DNAH14: variants seen among roughly 807,000 people sequenced by gnomAD.
DNAH14 encodes axonemal beta dynein heavy chain 14.
In DNAH14, 478 loss-of-function variants were observed where a neutral mutation model predicts 520.9. The ratio of observed to expected loss-of-function variants is 0.92; its 90% CI spans 0.85 to 0.99. DNAH14 has a LOEUF of 0.99. Among genes scored for constraint, DNAH14 ranks in the 50% least tolerant of loss-of-function variants. The pLI, the probability that DNAH14 is intolerant of heterozygous loss-of-function variation, is 0.00. For missense variants in DNAH14, 4,831 were observed against 5,234.5 expected, an observed-to-expected ratio of 0.92 and a Z score of 2.38; for synonymous variants, 1,581 against 1,757.2, an observed-to-expected ratio of 0.90 and a Z score of 2.51.
chr1:224,947,806 T>C (rs1329560072), intron 1 of DNAH14, among the ~76,000 whole-genome samples: 1 of 152,026 alleles, frequency 6.6e-6, no homozygotes, highest in Admixed American at 6.6e-5. Context: ...AAATATGAGT[T>C]ATTTAGACAG....
intron 31 of DNAH14, among the ~76,000 whole-genome samples, chr1:225,150,942 C>T (rs1447054320): frequency 6.6e-6 from 1 of 151,960 alleles, no homozygotes; most frequent in African/African-American, 2.4e-5. Context: ...AAATCTTGAC[C>T]TCAGTGTGAT....
chr1:224,939,376 C>T (rs990497320), intron 1 of DNAH14, among the ~76,000 whole-genome samples: 12 of 152,158 alleles, frequency 7.9e-5, no homozygotes, highest in African/African-American at 1.4e-4. Context: ...CCTTTTAAAA[C>T]GAATCAAAAA....
intron 37 of DNAH14, among the ~76,000 whole-genome samples, chr1:225,190,866 G>A (rs2085336823): frequency 6.6e-6 from 1 of 151,924 alleles, no homozygotes; most frequent in Non-Finnish European, 1.5e-5. Flanking sequence ...TACCCAGACT[G>A]TGGTATTTTG....
At chr1:225,215,329 A>G (rs1029921005) in intron 41 of DNAH14, among the ~76,000 whole-genome samples, 3 of 152,140 alleles carry the variant, frequency 2.0e-5, no homozygotes, top group African/African-American at 2.4e-5. Flanking sequence ...ACTTCCAACT[A>G]TGTGGTAAAT....
rs879444791 is a variant in DNAH14 at position 224,929,704 on chromosome 1, A to T, written c.-165A>T. ...GGCGGTTACGGCCAGGAGGCGTCGG[A>T]GCCTGGCGTGGTAGGGCTGTGCTGC... On this transcript the variant is annotated 5_prime_UTR_variant, in exon 1 of 86. Coordinates refer to ENST00000682510, the MANE Select transcript of DNAH14 (RefSeq NM_001367479.1). 2 of 702,278 alleles carry T rather than the reference A, an allele frequency of 2.8e-6. No individual in the cohort carries two copies. The highest frequency in any genetic ancestry group is 5.2e-6 in the Non-Finnish European group (2 of 384,852). 43.5% of individuals were successfully genotyped at this position (702,278 alleles called of 1,614,324 possible). A position where few individuals can be genotyped will look rare whatever the true frequency, so the allele number is the denominator to read the frequency against.
At chr1:225,106,365 G>C (rs2076046613) in intron 23 of DNAH14, among the ~76,000 whole-genome samples, 2 of 151,860 alleles carry the variant, frequency 1.3e-5, no homozygotes, top group South Asian at 4.1e-4. Context: ...GTGTCTTGGA[G>C]TTGCTCTTCT....
chr1:225,351,768 A>T lies in DNAH14; in HGVS notation c.11418A>T (p.Ser3806=), dbSNP rs2095368884. 6.4e-7 allele frequency: 1 copy of T among 1,551,228 alleles called. No individual in the cohort carries two copies. The highest frequency in any genetic ancestry group is 1.2e-5 in the South Asian group (1 of 84,062). The change falls in exon 72 of 86, where the codon TCA becomes TCT. Residue 3806 remains serine, a synonymous_variant. Transcript: ENST00000682510. ...CACTTCTGTGCAAATCCCTTTTATC[A>T]AACGTATCACAATGGGATACTTTTA... is the stretch of plus-strand genomic sequence containing the variant. The part of the protein sequence containing the change: ...PFSLLCKSLL[S]NVSQWDTFKN...
intron 61 of DNAH14, among the ~76,000 whole-genome samples, chr1:225,319,028 C>A (rs1273316170): frequency 1.3e-5 from 2 of 152,134 alleles, no homozygotes; most frequent in African/African-American, 4.8e-5. Context: ...TACAATATTA[C>A]CTGGCCTGCA....
At chr1:225,082,476 T>A in intron 19 of DNAH14, 73 bp from the exon 20 acceptor site, 2 of 1,197,760 alleles carry the variant, frequency 1.7e-6, no homozygotes, top group South Asian at 2.3e-5. Context: ...AAAAAAATCT[T>A]ATTTTCTCAA....
rs920325019 is a variant in DNAH14 at position 225,153,792 on chromosome 1, A to G, written c.5239A>G (p.Ile1747Val). The G allele has an allele frequency of 1.3e-6, 2 of 1,550,140 alleles. No homozygotes were observed. Among genetic ancestry groups the G allele is most frequent in the African/African-American group, 2.7e-5 (2 of 72,994 alleles). Reference sequence around the variant, plus strand: ...CTTGAGATCTCTGAAGATAGTTTTAATAATGGCTGGAACGAAGAAACGGGA... The same window carrying G: ...CTTGAGATCTCTGAAGATAGTTTTAGTAATGGCTGGAACGAAGAAACGGGA... ...FGLRSLKIVL[I>V]MAGTKKREFK... is the part of the protein sequence containing the mutation. Residue 1747 changes from isoleucine to valine, a missense_variant, in exon 34 of 86, where the codon ATA (isoleucine) becomes GTA (valine). Physicochemically the swap from Ile to Val is conservative, Grantham distance 29 (BLOSUM62 3). Transcript: ENST00000682510.
At chr1:225,204,331 T>A in intron 39 of DNAH14, 58 bp downstream of exon 39, 1 of 962,480 alleles carries the variant, frequency 1.0e-6, no homozygotes. Context: ...TCTCAACCAA[T>A]ATGAGCTATA....
At chr1:225,042,711 T>G in intron 12 of DNAH14, 124 bp from the exon 13 acceptor site, 1 of 1,016,998 alleles carries the variant, frequency 9.8e-7, no homozygotes, top group Non-Finnish European at 1.4e-6. Context: ...TATTTGGTAA[T>G]ACAGTGTTAC....
In DNAH14 at chr1:225,232,684, T is replaced by G. The variant is rs1484505222; in HGVS notation, c.6518+1533T>G. On this transcript the variant is annotated intron_variant, in intron 42 of 85. Coordinates refer to ENST00000682510, the MANE Select transcript of DNAH14 (RefSeq NM_001367479.1). The surrounding 1 kb of genome is among the most constrained non-coding windows in gnomAD (Gnocchi z 4.2). The stretch of plus-strand genomic sequence containing the variant: ...TGCCCAAGATGTTCTTTCTCCTGTA[T>G]TTTGCCAAATATCACCGATTCTTTG... Among the ~76,000 whole-genome samples, 1 of 152,330 alleles carries G rather than the reference T, an allele frequency of 6.6e-6. No homozygotes were observed. Among genetic ancestry groups the G allele is most frequent in the East Asian group, 1.9e-4 (1 of 5,182 alleles).
intron 66 of DNAH14, among the ~76,000 whole-genome samples, chr1:225,335,889 A>G (rs1238204614): frequency 4.7e-5 from 1 of 21,066 alleles, no homozygotes; most frequent in Non-Finnish European, 7.8e-5. Flanking sequence ...ATATATGTAC[A>G]TATACATACA....
chr1:224,959,812 G>C (rs2060733023), intron 3 of DNAH14, among the ~76,000 whole-genome samples: 1 of 152,088 alleles, frequency 6.6e-6, no homozygotes, highest in African/African-American at 2.4e-5. Flanking sequence ...TAATAATAAA[G>C]TTACCTAACA....
At chr1:225,154,536 G>GTA (rs2080842874) in intron 34 of DNAH14, among the ~76,000 whole-genome samples, 1 of 152,002 alleles carries the variant, frequency 6.6e-6, no homozygotes, top group South Asian at 2.1e-4. Context: ...CATTGGAACA[G>GTA]TATAGAAAAT....
intron 73 of DNAH14, chr1:225,354,191 C>T (rs1331622009): frequency 5.7e-6 from 4 of 701,802 alleles, no homozygotes; most frequent in African/African-American, 5.2e-5. Flanking sequence ...TTTCTGCCTG[C>T]TTCTCCGTGC....
At chr1:225,316,526 T>A (rs1160082535) in intron 60 of DNAH14, among the ~76,000 whole-genome samples, 1 of 152,188 alleles carries the variant, frequency 6.6e-6, no homozygotes, top group African/African-American at 2.4e-5. Flanking sequence ...GTGAAGACTG[T>A]GGGAAAAGTG....
At chr1:225,179,622 A>G (rs879759602) in intron 36 of DNAH14, among the ~76,000 whole-genome samples, 2 of 152,178 alleles carry the variant, frequency 1.3e-5, no homozygotes, top group South Asian at 4.1e-4. Flanking sequence ...TTTAGTCTTC[A>G]TGTTAAAGAT....
Sources: allele counts gnomAD v4.1 joint callset (sites outside exome capture counted in the v4.1 genomes callset), GRCh38; gene constraint gnomAD v4.1.1; non-coding constraint Gnocchi (gnomAD v3.1); transcripts MANE v1.5; gene names NCBI Gene and HGNC (gene_info 2026-07-23, HGNC 2026-07-21).